The following NTRK3 variants were observed in gnomAD, a reference collection of about 807,000 sequenced individuals.
NTRK3 encodes NT-3 growth factor receptor.
Under a neutral mutation model 91.7 loss-of-function variants are expected in NTRK3, and 24 were observed. That is an observed-to-expected ratio of 0.26 (90% CI 0.19 to 0.37). The LOEUF is 0.37. Among genes scored for constraint, NTRK3 ranks in the 10% least tolerant of loss-of-function variants. NTRK3 has a pLI of 1.00. For missense variants in NTRK3, 880 were observed against 1,068.9 expected (o/e 0.82, Z 2.46); for synonymous variants, 483 against 404.0 (o/e 1.20, Z -2.34).
At chr15:88,105,885 G>A (rs978922791) in intron 13 of NTRK3, among the ~76,000 whole-genome samples, 1 of 152,312 alleles carries the variant, frequency 6.6e-6, no homozygotes, top group East Asian at 1.9e-4. Flanking sequence ...CACGTTTACA[G>A]ATGAGGACAG....
chr15:88,015,539 C>T (rs1171647686), intron 14 of NTRK3, among the ~76,000 whole-genome samples: 1 of 140,570 alleles, frequency 7.1e-6, no homozygotes, highest in Non-Finnish European at 1.5e-5. Context: ...CAAGCCTCTG[C>T]TCCCCTAATT....
intron 13 of NTRK3, among the ~76,000 whole-genome samples, chr15:88,086,729 A>G (rs771713924): frequency 6.6e-6 from 1 of 152,220 alleles, no homozygotes; most frequent in Non-Finnish European, 1.5e-5. Flanking sequence ...AGTTTGGAGT[A>G]CGCAGGTGGT....
chr15:88,129,612 T>TG (rs1457565913), intron 10 of NTRK3, among the ~76,000 whole-genome samples: 1 of 152,170 alleles, frequency 6.6e-6, no homozygotes, highest in Non-Finnish European at 1.5e-5. Context: ...GAGAAATGGA[T>TG]GATTTCAGGG....
chr15:87,972,887 T>C (rs2073372077), intron 14 of NTRK3, among the ~76,000 whole-genome samples: 1 of 152,204 alleles, frequency 6.6e-6, no homozygotes, highest in South Asian at 2.1e-4. Flanking sequence ...CTGGAGGCCT[T>C]TGATACCAAA....
At chr15:87,886,709 C>CAT (rs1340884735) in intron 17 of NTRK3, among the ~76,000 whole-genome samples, 1 of 60,604 alleles carries the variant, frequency 1.7e-5, no homozygotes, top group African/African-American at 5.2e-5. Flanking sequence ...TACATATATA[C>CAT]ACACACACAC....
chr15:87,986,215 T>A (rs1303462664), intron 14 of NTRK3, among the ~76,000 whole-genome samples: 2 of 152,244 alleles, frequency 1.3e-5, no homozygotes, highest in Non-Finnish European at 1.5e-5. Flanking sequence ...CTTCAAAATA[T>A]CTGTCTTTGT....
chr15:87,929,044 G>A (rs1196124627), intron 17 of NTRK3, 147 bp downstream of exon 17: 5 of 1,184,554 alleles, frequency 4.2e-6, no homozygotes, highest in South Asian at 1.3e-5. Flanking sequence ...ATGCAAGAGA[G>A]GCCAAAAGAT....
At chr15:87,964,285 AT>A (rs1276770382) in intron 14 of NTRK3, among the ~76,000 whole-genome samples, 1 of 152,056 alleles carries the variant, frequency 6.6e-6, no homozygotes, top group Non-Finnish European at 1.5e-5. Context: ...GAGTGCTCTC[AT>A]TTTATAGACA....
At chr15:88,213,645 A>G (rs570717405) in intron 3 of NTRK3, among the ~76,000 whole-genome samples, 37 of 152,336 alleles carry the variant, frequency 2.4e-4, no homozygotes, top group African/African-American at 8.4e-4. Flanking sequence ...ACTATTTTAC[A>G]TGCTCTGCCT....
rs77166503 is a variant in NTRK3, at chr15:87,977,998, T to C, written c.1586-37245A>G. 1.6e-3 allele frequency: 371 copies of C among 233,350 alleles called. 3 individuals are homozygous for C. Among genetic ancestry groups the C allele is most frequent in the African/African-American group, 7.4e-3 (337 of 45,430 alleles). 14.5% of individuals were successfully genotyped at this position (233,350 alleles called of 1,614,324 possible). A position where few individuals can be genotyped will look rare whatever the true frequency, so the allele number is the denominator to read the frequency against. On this transcript the variant is annotated intron_variant, in intron 14 of 18. Transcript: ENST00000394480. ...TTTCCCCCACAAGCCCCCCACAGGA[T>C]GCTCCCAGTTTCATGCTCTCCACCA...
chr15:88,222,559 A>T (rs2141597323), intron 3 of NTRK3, among the ~76,000 whole-genome samples: 1 of 152,358 alleles, frequency 6.6e-6, no homozygotes, highest in African/African-American at 2.4e-5. Flanking sequence ...CAGAACGCAG[A>T]ACATTAATCT....
exon 19 of NTRK3, chr15:87,867,643 T>G (rs980499596): frequency 1.3e-5 from 3 of 229,386 alleles, no homozygotes; most frequent in Non-Finnish European, 2.6e-5. Context: ...TCTAGCAGGC[T>G]TGCTCCTAGC....
intron 3 of NTRK3, among the ~76,000 whole-genome samples, chr15:88,202,907 T>C (rs747683321): frequency 2.0e-5 from 3 of 152,196 alleles, no homozygotes; most frequent in Admixed American, 6.5e-5. Context: ...GAGAATCTGG[T>C]TGGGCAGGGG....
intron 13 of NTRK3, among the ~76,000 whole-genome samples, chr15:88,049,042 A>G (rs1187991628): frequency 1.3e-5 from 2 of 152,234 alleles, no homozygotes; most frequent in African/African-American, 4.8e-5. Context: ...AGAAGGATAT[A>G]TTTTAAGATC....
intron 13 of NTRK3, among the ~76,000 whole-genome samples, chr15:88,061,441 T>G (rs568747526): frequency 1.7e-3 from 264 of 152,020 alleles, no homozygotes; most frequent in Non-Finnish European, 3.5e-3. Flanking sequence ...AGGTGTGGGG[T>G]GGGTCAGCCC....
At chr15:88,130,680 G>T (rs2041244044) in intron 10 of NTRK3, among the ~76,000 whole-genome samples, 1 of 152,084 alleles carries the variant, frequency 6.6e-6, no homozygotes, top group African/African-American at 2.4e-5. Context: ...ATTCCAAATG[G>T]AAAGACAGTC....
intron 6 of NTRK3, among the ~76,000 whole-genome samples, chr15:88,145,536 T>C (rs1204277158): frequency 6.6e-6 from 1 of 152,224 alleles, no homozygotes; most frequent in Non-Finnish European, 1.5e-5. Flanking sequence ...CATGATCCTC[T>C]GGGAGAAATC....
intron 3 of NTRK3, among the ~76,000 whole-genome samples, chr15:88,218,185 G>A (rs950229973): frequency 5.9e-5 from 9 of 152,174 alleles, no homozygotes; most frequent in African/African-American, 1.7e-4. Flanking sequence ...AGATTCTCTC[G>A]TCTGTGAAAT....
In NTRK3 at chr15:87,911,491, A is replaced by G. The variant is rs547560170; in HGVS notation, c.2133+17700T>C. ...GAAACCCAATGGGGATGGAGAACCC[A>G]CTATCTTGTAGGACGGTCTGTTCCA... is the stretch of plus-strand genomic sequence containing the variant. On this transcript the variant is annotated intron_variant, in intron 17 of 18. Transcript: ENST00000394480. Among the ~76,000 whole-genome samples, 4 of 152,308 alleles carry G rather than the reference A, an allele frequency of 2.6e-5. No individual in the cohort carries two copies. In the South Asian group the frequency reaches 8.3e-4, roughly 32 times the overall value.
Sources: gnomAD v4.1 joint callset for allele counts (sites outside exome capture counted in the v4.1 genomes callset) on GRCh38, gnomAD v4.1.1 for gene constraint, MANE v1.5 for transcripts, NCBI Gene and HGNC (gene_info 2026-07-23, HGNC 2026-07-21) for gene names.